The following ZC3H12C variants were observed in gnomAD, a reference collection of about 807,000 sequenced individuals.
The protein encoded by ZC3H12C is probable ribonuclease ZC3H12C.
Under a neutral mutation model 76.3 loss-of-function variants are expected in ZC3H12C, and 20 were observed. That is an observed-to-expected ratio of 0.26 (90% confidence interval 0.18 to 0.38). ZC3H12C has a LOEUF of 0.38. Among genes scored for constraint, ZC3H12C ranks in the 10% least tolerant of loss-of-function variants. The pLI is 1.00. For missense variants in ZC3H12C, 874 were observed against 1,086.5 expected (o/e 0.80, Z 2.75); for synonymous variants, 352 against 399.6 (o/e 0.88, Z 1.42).
At chr11:110,111,732 A>G (rs1365827388) in intron 1 of ZC3H12C, among the ~76,000 whole-genome samples, 2 of 148,514 alleles carry the variant, frequency 1.3e-5, no homozygotes, top group Non-Finnish European at 3.0e-5. Context: ...TTGTGGAGAC[A>G]GAGTCTTTCT....
intron 1 of ZC3H12C, among the ~76,000 whole-genome samples, chr11:110,109,766 T>A (rs1861394862): frequency 6.6e-6 from 1 of 152,208 alleles, no homozygotes; most frequent in Admixed American, 6.5e-5. Flanking sequence ...GGCTATAATT[T>A]TATTGTCATT....
At chr11:110,101,570 C>T (rs1263205547) in intron 1 of ZC3H12C, among the ~76,000 whole-genome samples, 1 of 144,442 alleles carries the variant, frequency 6.9e-6, no homozygotes, top group Non-Finnish European at 1.5e-5. Flanking sequence ...TTTTTTGAGA[C>T]ACAGTCTTGC....
At chr11:110,127,356 CCTGT>C (rs1415141680) in intron 1 of ZC3H12C, among the ~76,000 whole-genome samples, 1 of 152,134 alleles carries the variant, frequency 6.6e-6, no homozygotes, top group Non-Finnish European at 1.5e-5. Flanking sequence ...GAGCTCATGG[CCTGT>C]CTGACTTCCT....
intron 2 of ZC3H12C, among the ~76,000 whole-genome samples, chr11:110,150,240 C>T (rs536007398): frequency 2.6e-5 from 4 of 152,220 alleles, no homozygotes; most frequent in Non-Finnish European, 5.9e-5. Flanking sequence ...TTGCAACATA[C>T]AGATGAATTT....
intron 3 of ZC3H12C, 90 bp downstream of exon 3, chr11:110,153,148 C>A: frequency 1.4e-6 from 2 of 1,469,846 alleles, no homozygotes; most frequent in Non-Finnish European, 1.8e-6. Flanking sequence ...AAATCCATTT[C>A]ACTTGCTCAG....
intron 3 of ZC3H12C, among the ~76,000 whole-genome samples, chr11:110,156,268 A>T (rs1033614767): frequency 1.3e-5 from 2 of 152,208 alleles, no homozygotes; most frequent in Non-Finnish European, 2.9e-5. Context: ...CACTGCAACA[A>T]AAAAGACCCT....
chr11:110,095,579 A>G (rs1027780912), intron 1 of ZC3H12C, among the ~76,000 whole-genome samples: 2 of 152,236 alleles, frequency 1.3e-5, no homozygotes, highest in South Asian at 2.1e-4. Context: ...TCTCTCTGCA[A>G]ATAATTACTT....
chr11:110,093,525 G>A (rs1442477703), intron 1 of ZC3H12C, 93 bp downstream of exon 1: 17 of 966,216 alleles, frequency 1.8e-5, no homozygotes, highest in Non-Finnish European at 2.2e-5. Context: ...GCCGCGCCCG[G>A]GCGCCAGGCG....
rs1403277322 is a variant in ZC3H12C, at chr11:110,165,740, G to C, written c.*3G>C. ...AGAAATCCCAGCTGGGTTATTGAAA[G>C]ATGATGCATCTTTGTGGTGTTTAGT... is the stretch of plus-strand genomic sequence containing the variant. On this transcript the variant is annotated 3_prime_UTR_variant, in exon 6 of 6. Transcript: ENST00000278590. 5 of 1,569,776 alleles carry C rather than the reference G, an allele frequency of 3.2e-6. No individual in the cohort carries two copies. In the Admixed American group the frequency reaches 9.4e-5, roughly 29 times the overall value.
intron 1 of ZC3H12C, among the ~76,000 whole-genome samples, chr11:110,122,075 CACTT>C (rs1317350994): frequency 6.6e-6 from 1 of 152,146 alleles, no homozygotes; most frequent in Non-Finnish European, 1.5e-5. Flanking sequence ...AATTATTTAA[CACTT>C]AAAGAAGAAC....
At chr11:110,110,294 T>A (rs1565249299) in intron 1 of ZC3H12C, among the ~76,000 whole-genome samples, 1 of 152,168 alleles carries the variant, frequency 6.6e-6, no homozygotes, top group Non-Finnish European at 1.5e-5. Flanking sequence ...AGTTTCCCTA[T>A]GATATTAATA....
intron 1 of ZC3H12C, chr11:110,131,628 T>C (rs577731829): frequency 3.7e-4 from 57 of 153,186 alleles, no homozygotes; most frequent in African/African-American, 1.3e-3. Context: ...TCAGTATTCA[T>C]GTACAGCTTC....
At chr11:110,125,615 G>A (rs562501097) in intron 1 of ZC3H12C, among the ~76,000 whole-genome samples, 42 of 152,288 alleles carry the variant, frequency 2.8e-4, no homozygotes, top group African/African-American at 1.0e-3. Context: ...ACCATGGCCA[G>A]CCTCTCTAAT....
chr11:110,146,325 A>C (rs573112246), intron 2 of ZC3H12C, among the ~76,000 whole-genome samples: 1 of 152,222 alleles, frequency 6.6e-6, no homozygotes, highest in Admixed American at 6.5e-5. Context: ...AAAACAAGAA[A>C]GATGAACAGA....
At chr11:110,094,625 T>C (rs184869490) in intron 1 of ZC3H12C, among the ~76,000 whole-genome samples, 1 of 152,342 alleles carries the variant, frequency 6.6e-6, no homozygotes, top group African/African-American at 2.4e-5. Flanking sequence ...ACAATTAATT[T>C]TAGTAGCAGT....
intron 1 of ZC3H12C, among the ~76,000 whole-genome samples, chr11:110,111,416 T>G (rs1262201325): frequency 2.3e-5 from 2 of 88,858 alleles, no homozygotes; most frequent in Non-Finnish European, 4.7e-5. Flanking sequence ...CAACTTTTTT[T>G]GTTATCTCAA....
rs1222434114 is a variant in ZC3H12C at position 110,137,328 on chromosome 11, G to A, written c.687G>A (p.Arg229=). Reference sequence around the variant, plus strand: ...AAACTTCTTCCCTGGAATCTCAGAGGTCTGAATCTCCAATGCAAGAGATTG... The same window carrying A: ...AAACTTCTTCCCTGGAATCTCAGAGATCTGAATCTCCAATGCAAGAGATTG... ...TRETSSLESQ[R]SESPMQEIVT... The change falls in exon 2 of 6, where the codon AGG becomes AGA. Residue 229 remains arginine, a synonymous_variant. Coordinates refer to ENST00000278590, the MANE Select transcript of ZC3H12C (RefSeq NM_033390.2). 6.2e-7 allele frequency: 1 copy of A among 1,613,762 alleles called. No homozygotes were observed. Among genetic ancestry groups the A allele is most frequent in the Non-Finnish European group, 8.5e-7 (1 of 1,179,884 alleles).
chr11:110,101,640 C>T (rs1457314789), intron 1 of ZC3H12C, among the ~76,000 whole-genome samples: 16 of 151,690 alleles, frequency 1.1e-4, no homozygotes, highest in Admixed American at 5.9e-4. Context: ...CTCTGCCTCC[C>T]GGGTTCAAGC....
chr11:110,118,043 CACATATATATTATATATAT>C (rs1215755890), intron 1 of ZC3H12C, among the ~76,000 whole-genome samples: 1 of 116,008 alleles, frequency 8.6e-6, no homozygotes, highest in Admixed American at 9.7e-5. Flanking sequence ...TATATATATA[CACATATATATTATATATAT>C]ACACACACAC....
Sources: allele counts gnomAD v4.1 joint callset (sites outside exome capture counted in the v4.1 genomes callset), GRCh38; gene constraint gnomAD v4.1.1; transcripts MANE v1.5; gene names NCBI Gene and HGNC (gene_info 2026-07-23, HGNC 2026-07-21).